Variants in CMIP observed in about 807,000 individuals in gnomAD.
CMIP encodes the protein C-Maf-inducing protein.
Under a neutral mutation model 97.3 loss-of-function variants are expected in CMIP, and 13 were observed. The observed-to-expected ratio is 0.13, with a 90% CI of 0.09 to 0.21. CMIP has a LOEUF of 0.21. CMIP is among the 10% of genes least tolerant of loss of function. The pLI is 1.00. For synonymous variants in CMIP, 538 were observed against 436.3 expected, an observed-to-expected ratio of 1.23 and a Z score of -2.91; for missense variants, 847 against 1,024.9, an observed-to-expected ratio of 0.83 and a Z score of 2.37.
chr16:81,556,239 C>G (rs1013124724), intron 1 of CMIP, among the ~76,000 whole-genome samples: 4 of 152,054 alleles, frequency 2.6e-5, no homozygotes, highest in African/African-American at 9.7e-5. Context: ...AGATGTTGGA[C>G]TGGTTATTAT....
rs1316913943 is a variant in CMIP at position 81,678,609 on chromosome 16, G to A, written c.1369G>A (p.Val457Met). ...PQADRTLGCY[V>M]EILKLLSDYD... ...GGCCGACCGCACGCTCGGCTGCTACGTGGAAATCCTCAAGCTGCTGTGAGT... is the reference window on the plus strand; with the variant it reads ...GGCCGACCGCACGCTCGGCTGCTACATGGAAATCCTCAAGCTGCTGTGAGT... The change falls in exon 10 of 21, where the codon GTG (valine) becomes ATG (methionine). Residue 457 changes from valine (V) to methionine (M), a missense_variant. Physicochemically the swap from Val to Met is conservative, Grantham distance 21. Transcript: ENST00000537098. 5 of 1,584,008 alleles carry A rather than the reference G, an allele frequency of 3.2e-6. No homozygotes were observed. The highest frequency in any genetic ancestry group is 1.3e-5 in the African/African-American group (1 of 74,538).
chr16:81,532,972 G>A (rs1174589650), intron 1 of CMIP, among the ~76,000 whole-genome samples: 2 of 152,066 alleles, frequency 1.3e-5, no homozygotes, highest in Admixed American at 1.3e-4. Flanking sequence ...TGCTTCCTCT[G>A]CCTGGGATGC....
rs368939831 is a variant in CMIP, at chr16:81,702,633, C to T, written c.1908C>T (p.Gly636=). The T allele has an allele frequency of 1.3e-5, 21 of 1,613,248 alleles. No homozygotes were observed. Among genetic ancestry groups the T allele is most frequent in the South Asian group, 2.2e-5 (2 of 90,948 alleles). Residue 636 remains glycine, a synonymous_variant, in exon 17 of 21, where the codon GGC becomes GGT. Coordinates refer to ENST00000537098, the MANE Select transcript of CMIP (RefSeq NM_198390.3). ...GGTTTCTGTTGCAGCAAAGGAAAGG[C>T]GGGCCCACCAGGCTAACACTGCCCT... is the stretch of plus-strand genomic sequence containing the variant. ...QRELKELQRK[G]GPTRLTLPSK... is the part of the protein sequence containing the mutation.
chr16:81,457,240 G>A (rs72835191), intron 1 of CMIP, among the ~76,000 whole-genome samples: 9 of 152,136 alleles, frequency 5.9e-5, no homozygotes, highest in Non-Finnish European at 1.2e-4. Context: ...TTGCTCCCCT[G>A]TGGCGCGGCA....
chr16:81,505,459 C>A (rs570649617), intron 1 of CMIP, among the ~76,000 whole-genome samples: 1 of 152,172 alleles, frequency 6.6e-6, no homozygotes, highest in Non-Finnish European at 1.5e-5. Flanking sequence ...TCAAAGGCAG[C>A]GGGGTCTGTG....
chr16:81,459,365 G>A (rs1274883545), intron 1 of CMIP, among the ~76,000 whole-genome samples: 3 of 152,044 alleles, frequency 2.0e-5, no homozygotes, highest in East Asian at 3.9e-4. Flanking sequence ...GTGACCCTGC[G>A]CTGTGACCCC....
At chr16:81,581,265 T>C (rs9932038) in intron 1 of CMIP, among the ~76,000 whole-genome samples, 11,582 of 152,218 alleles carry the variant, frequency 0.076, 957 homozygotes, top group African/African-American at 0.2. Flanking sequence ...TCATGCATTG[T>C]TTCACGATGG....
chr16:81,489,040 T>C (rs2089365097), intron 1 of CMIP, among the ~76,000 whole-genome samples: 1 of 152,200 alleles, frequency 6.6e-6, no homozygotes, highest in Middle Eastern at 3.2e-3. Flanking sequence ...GTTCATTCTT[T>C]TGTTATTCAT....
intron 1 of CMIP, among the ~76,000 whole-genome samples, chr16:81,550,652 T>C (rs1205134777): frequency 1.3e-5 from 2 of 152,310 alleles, no homozygotes; most frequent in East Asian, 3.8e-4. Context: ...TTTGTGCTTC[T>C]GGAATCTACC....
At chr16:81,448,765 T>G (rs937577288) in intron 1 of CMIP, among the ~76,000 whole-genome samples, 1 of 152,258 alleles carries the variant, frequency 6.6e-6, no homozygotes. Flanking sequence ...GACAGCTGAC[T>G]TGGGAGGGGA....
chr16:81,569,945 T>TTTCATTCATTCATTCA (rs71146021), intron 1 of CMIP, among the ~76,000 whole-genome samples: 27 of 150,900 alleles, frequency 1.8e-4, no homozygotes, highest in African/African-American at 5.8e-4. Flanking sequence ...TGCACTTAAC[T>TTTCATTCATTCATTCA]TTCATTCATT....
intron 16 of CMIP, among the ~76,000 whole-genome samples, chr16:81,702,101 C>A (rs1426248726): frequency 6.6e-6 from 1 of 152,160 alleles, no homozygotes; most frequent in Non-Finnish European, 1.5e-5. Flanking sequence ...AATGCCAGCA[C>A]CCACACCTCT....
At chr16:81,618,493 CT>C (rs2091950912) in intron 2 of CMIP, 1 of 152,232 alleles carries the variant, frequency 6.6e-6, no homozygotes, top group Non-Finnish European at 1.5e-5. Context: ...GTTTAGGGGG[CT>C]TTATTTTCCT....
intron 10 of CMIP, among the ~76,000 whole-genome samples, chr16:81,687,869 TGCTGTGGCCTG>T (rs1894017080): frequency 6.6e-6 from 1 of 152,244 alleles, no homozygotes; most frequent in Non-Finnish European, 1.5e-5. Context: ...ATTGCTTCCC[TGCTGTGGCCTG>T]GCTGTATCAC....
chr16:81,658,729 T>A (rs1159826478), intron 5 of CMIP, among the ~76,000 whole-genome samples: 1 of 152,210 alleles, frequency 6.6e-6, no homozygotes, highest in Non-Finnish European at 1.5e-5. Context: ...AGCAGGCGGA[T>A]GGGAGATGAA....
intron 1 of CMIP, among the ~76,000 whole-genome samples, chr16:81,452,586 G>A (rs1428324034): frequency 6.6e-6 from 1 of 152,108 alleles, no homozygotes; most frequent in African/African-American, 2.4e-5. Context: ...GGTCAGGGAA[G>A]CGGGTGATAG....
intron 3 of CMIP, among the ~76,000 whole-genome samples, chr16:81,626,018 AATCCCAGCCCAGCTTTGG>A (rs1241485831): frequency 6.6e-6 from 1 of 152,182 alleles, no homozygotes; most frequent in Non-Finnish European, 1.5e-5. Context: ...GCTCTGGGAA[AATCCCAGCCCAGCTTTGG>A]ATCCTTTCTG....
intron 1 of CMIP, among the ~76,000 whole-genome samples, chr16:81,586,995 C>T (rs2091393442): frequency 6.6e-6 from 1 of 152,258 alleles, no homozygotes; most frequent in South Asian, 2.1e-4. Context: ...GACCCATGAG[C>T]TGTTTTCCCA....
chr16:81,544,226 C>T (rs190867987), intron 1 of CMIP, among the ~76,000 whole-genome samples: 79 of 152,346 alleles, frequency 5.2e-4, no homozygotes, highest in Admixed American at 4.4e-3. Flanking sequence ...GTCATGTGCA[C>T]GCATCCCTTT....
Sources: gnomAD v4.1 joint callset for allele counts (sites outside exome capture counted in the v4.1 genomes callset) on GRCh38, gnomAD v4.1.1 for gene constraint, MANE v1.5 for transcripts, NCBI Gene and HGNC (gene_info 2026-07-23, HGNC 2026-07-21) for gene names.